The following SKAP1 variants were observed in gnomAD, a reference collection of about 807,000 sequenced individuals.
The protein encoded by SKAP1 is src kinase associated phosphoprotein 1.
Under a neutral mutation model 58.5 loss-of-function variants are expected in SKAP1, and 44 were observed. The ratio of observed to expected loss-of-function variants is 0.75; its 90% confidence interval spans 0.59 to 0.97. SKAP1 has a LOEUF of 0.97. Among genes scored for constraint, SKAP1 ranks in the 50% least tolerant of loss-of-function variants. The pLI is 0.00. For synonymous variants in SKAP1, 127 were observed against 149.7 expected, an observed-to-expected ratio of 0.85 and a Z score of 1.11; for missense variants, 390 against 435.2, an observed-to-expected ratio of 0.90 and a Z score of 0.92.
chr17:48,197,518 G>A lies in SKAP1; in HGVS notation c.281-8018C>T, dbSNP rs373039682. Among the ~76,000 whole-genome samples, 46 of 152,030 alleles carry A rather than the reference G, an allele frequency of 3.0e-4. 1 individual carries two copies. The South Asian group carries it at 7.5e-3, about 25-fold the overall frequency. On this transcript the variant is annotated intron_variant, in intron 4 of 12. Coordinates refer to ENST00000336915, the MANE Select transcript of SKAP1 (RefSeq NM_003726.4). The stretch of plus-strand genomic sequence containing the variant: ...AGCCTGGCCAACATGGTGAAACTCC[G>A]TCTCTACCAAAAACAAAAAAATTAG...
At chr17:48,276,533 G>A (rs1187187280) in intron 4 of SKAP1, among the ~76,000 whole-genome samples, 1 of 152,184 alleles carries the variant, frequency 6.6e-6, no homozygotes, top group African/African-American at 2.4e-5. Context: ...GGAAGAATTA[G>A]GAAGCAGAAG....
chr17:48,147,891 G>A (rs922683519), intron 11 of SKAP1, among the ~76,000 whole-genome samples: 1 of 151,154 alleles, frequency 6.6e-6, no homozygotes. Flanking sequence ...TCTGGAGATT[G>A]ATGGGCCTGG....
At chr17:48,405,397 C>CTT (rs1567901974) in intron 1 of SKAP1, among the ~76,000 whole-genome samples, 1 of 41,464 alleles carries the variant, frequency 2.4e-5, no homozygotes, top group Non-Finnish European at 4.6e-5. Context: ...TCTTTCCTTT[C>CTT]TTTCTTTCTT....
chr17:48,411,209 G>A (rs2067660877), intron 1 of SKAP1, among the ~76,000 whole-genome samples: 1 of 151,842 alleles, frequency 6.6e-6, no homozygotes, highest in African/African-American at 2.4e-5. Context: ...AGACCAGTCT[G>A]GCCAACATGG....
chr17:48,367,914 CAAAA>C (rs66499523), intron 2 of SKAP1, among the ~76,000 whole-genome samples: 2 of 132,938 alleles, frequency 1.5e-5, no homozygotes. Context: ...GATCCTGTCT[CAAAA>C]AAAAAAAAAA....
chr17:48,141,961 TG>T (rs2063772826), intron 11 of SKAP1, among the ~76,000 whole-genome samples: 1 of 152,164 alleles, frequency 6.6e-6, no homozygotes, highest in Non-Finnish European at 1.5e-5. Context: ...TCTGACTGTG[TG>T]GGGTCCCGGT....
chr17:48,338,950 CAGTTTACTT>C (rs1317947081), intron 4 of SKAP1, among the ~76,000 whole-genome samples: 1 of 152,162 alleles, frequency 6.6e-6, no homozygotes, highest in Non-Finnish European at 1.5e-5. Context: ...TCCTGAGTGA[CAGTTTACTT>C]ACCCTTATCA....
At chr17:48,327,616 T>C (rs1019244424) in intron 4 of SKAP1, among the ~76,000 whole-genome samples, 1 of 152,226 alleles carries the variant, frequency 6.6e-6, no homozygotes, top group Non-Finnish European at 1.5e-5. Context: ...ATTTTGCTAA[T>C]TGCCTACTAG....
chr17:48,225,487 T>C (rs2065057505), intron 4 of SKAP1, among the ~76,000 whole-genome samples: 1 of 152,208 alleles, frequency 6.6e-6, no homozygotes, highest in African/African-American at 2.4e-5. Context: ...TTTGCACTCT[T>C]TGGGAGAAAA....
chr17:48,429,972 G>C, intron 1 of SKAP1, 103 bp downstream of exon 1: 1 of 972,412 alleles, frequency 1.0e-6, no homozygotes. Context: ...GTTCTAGAAG[G>C]AGGTGAGTGA....
chr17:48,434,657 A>G (rs912997715), upstream of SKAP1, among the ~76,000 whole-genome samples: 1 of 152,166 alleles, frequency 6.6e-6, no homozygotes, highest in African/African-American at 2.4e-5. Context: ...ACTCAAAAGA[A>G]TCTTCAAAGG....
chr17:48,389,965 A>T (rs1009420317), intron 2 of SKAP1, among the ~76,000 whole-genome samples: 3 of 152,234 alleles, frequency 2.0e-5, no homozygotes, highest in Non-Finnish European at 4.4e-5. Context: ...TATTTAAAAA[A>T]ATAATTCCAA....
chr17:48,186,749 C>T lies in SKAP1; in HGVS notation c.442+1094G>A, dbSNP rs139872851. Among the ~76,000 whole-genome samples, 503 of 152,254 alleles carry T rather than the reference C, an allele frequency of 3.3e-3. 3 individuals are homozygous for T. The highest frequency in any genetic ancestry group is 5.8e-3 in the Non-Finnish European group (392 of 68,018). On this transcript the variant is annotated intron_variant, in intron 6 of 12. Transcript: ENST00000336915. ...CCTCCCAAAGTGCTGGGATTACAGG[C>T]GTGAGCCACTGTGCCTGGCCCAAAG... is the stretch of plus-strand genomic sequence containing the variant.
chr17:48,215,033 G>A (rs2064922075), intron 4 of SKAP1, among the ~76,000 whole-genome samples: 1 of 151,940 alleles, frequency 6.6e-6, no homozygotes, highest in Admixed American at 6.6e-5. Flanking sequence ...CAATCCTCCT[G>A]CCTCAGCCTC....
chr17:48,194,166 T>C (rs1013163391), intron 4 of SKAP1, among the ~76,000 whole-genome samples: 1 of 152,168 alleles, frequency 6.6e-6, no homozygotes, highest in African/African-American at 2.4e-5. Context: ...AGCTGAAGGA[T>C]ATGGGGCCAC....
At chr17:48,252,713 AGTGTGTGTGTGTGT>A (rs71141977) in intron 4 of SKAP1, among the ~76,000 whole-genome samples, 5 of 145,024 alleles carry the variant, frequency 3.4e-5, no homozygotes, top group Non-Finnish European at 6.0e-5. Context: ...GCTCTAAGCT[AGTGTGTGTGTGTGT>A]GTGTGTGTGT....
At chr17:48,252,750 G>A (rs2065379446) in intron 4 of SKAP1, among the ~76,000 whole-genome samples, 1 of 126,800 alleles carries the variant, frequency 7.9e-6, no homozygotes, top group African/African-American at 2.7e-5. Context: ...GTGTGTGTGT[G>A]TGTGTATGTG....
At chr17:48,322,758 C>G (rs1005092446) in intron 4 of SKAP1, among the ~76,000 whole-genome samples, 1 of 152,206 alleles carries the variant, frequency 6.6e-6, no homozygotes, top group Non-Finnish European at 1.5e-5. Context: ...CACTTTTCAG[C>G]TGGGCACATA....
At chr17:48,285,131 T>C (rs1266357938) in intron 4 of SKAP1, among the ~76,000 whole-genome samples, 1 of 152,226 alleles carries the variant, frequency 6.6e-6, no homozygotes, top group East Asian at 1.9e-4. Context: ...CATCTCTAAA[T>C]GTTCTTTTAT....
Sources: allele counts gnomAD v4.1 joint callset (sites outside exome capture counted in the v4.1 genomes callset), GRCh38; gene constraint gnomAD v4.1.1; transcripts MANE v1.5; gene names NCBI Gene and HGNC (gene_info 2026-07-23, HGNC 2026-07-21).